Variants in LMNA observed in about 807,000 individuals in gnomAD.
LMNA encodes the protein lamin A/C, also known as lamin.
In LMNA, 20 loss-of-function variants were observed where a neutral mutation model predicts 70.4. That is an observed-to-expected ratio of 0.28 (90% CI 0.20 to 0.41). The LOEUF (loss-of-function observed/expected upper bound fraction) is 0.41, where lower values mean the gene tolerates loss of function less well. Ranked by LOEUF, LMNA falls within the 10% of genes least tolerant of loss-of-function variation. LMNA has a pLI of 1.00. For missense variants in LMNA, 652 were observed against 917.2 expected (o/e 0.71, Z 3.73); for synonymous variants, 339 against 372.8 (o/e 0.91, Z 1.04).
At chr1:156,131,270 C>T (rs1558126717) in intron 2 of LMNA, among the ~76,000 whole-genome samples, 1 of 148,682 alleles carries the variant, frequency 6.7e-6, no homozygotes, top group Non-Finnish European at 1.5e-5. Flanking sequence ...GACTCCGTCT[C>T]AAAAAAATAA....
chr1:156,121,046 CTTTTTTTTTTTTT>C (rs57371677), intron 1 of LMNA, among the ~76,000 whole-genome samples: 1 of 100,412 alleles, frequency 1.0e-5, no homozygotes, highest in Non-Finnish European at 1.9e-5. Context: ...CAAATCCATT[CTTTTTTTTTTTTT>C]TTTTTTTTTT....
intron 2 of LMNA, among the ~76,000 whole-genome samples, chr1:156,131,449 G>T (rs2102868844): frequency 6.6e-6 from 1 of 152,152 alleles, no homozygotes; most frequent in South Asian, 2.1e-4. Flanking sequence ...AATTAGCTGG[G>T]CATGGTGGTG....
chr1:156,139,443 T>A lies in LMNA; in HGVS notation c.*337T>A. The A allele has an allele frequency of 7.5e-7, 1 of 1,338,582 alleles. No homozygotes were observed. The highest frequency in any genetic ancestry group is 9.6e-7 in the Non-Finnish European group (1 of 1,046,304). The allele number at this position is 1,338,582 out of a possible 1,614,324, so 82.9% of individuals were successfully genotyped here. On this transcript the variant is annotated 3_prime_UTR_variant, in exon 12 of 12. Transcript: ENST00000368300. The stretch of plus-strand genomic sequence containing the variant: ...AGAAGCCAAGGGAAAGGGGTGCTTT[T>A]ATAGAGGCTAGCTTCTGCTTTTCTG...
chr1:156,116,541 T>C (rs1477338261), intron 1 of LMNA, among the ~76,000 whole-genome samples: 1 of 152,208 alleles, frequency 6.6e-6, no homozygotes, highest in Non-Finnish European at 1.5e-5. Context: ...TTCTTCTCTC[T>C]CTTTTATCAT....
intron 3 of LMNA, among the ~76,000 whole-genome samples, chr1:156,092,414 C>T (rs990749001): frequency 6.6e-5 from 10 of 151,658 alleles, no homozygotes; most frequent in African/African-American, 2.4e-4. Context: ...CACAGTGGCT[C>T]CTGTCTGTAA....
chr1:156,106,679 C>T (rs1406197750), intron 3 of LMNA: 5 of 151,274 alleles, frequency 3.3e-5, no homozygotes, highest in African/African-American at 1.2e-4. Flanking sequence ...CCCCCGGCAG[C>T]GTTCCCCCCT....
chr1:156,116,895 G>C (rs907288705), intron 1 of LMNA, among the ~76,000 whole-genome samples: 3 of 151,836 alleles, frequency 2.0e-5, no homozygotes, highest in African/African-American at 7.3e-5. Flanking sequence ...GTCAATGGAA[G>C]TTGTGTGTAG....
intron 1 of LMNA, among the ~76,000 whole-genome samples, chr1:156,121,548 C>A (rs1051917726): frequency 2.6e-5 from 4 of 152,074 alleles, no homozygotes; most frequent in Non-Finnish European, 4.4e-5. Context: ...CCATTGCCCC[C>A]ACTTCCAGGT....
Position 156,135,271 on chromosome 1 carries a change from A to G in LMNA, c.895A>G (p.Ile299Val), listed in dbSNP as rs150924946. Reference protein sequence around the residue: ...HEELQQSRIRIDSLSAQLSQL... With the variant: ...HEELQQSRIRVDSLSAQLSQL... The stretch of plus-strand genomic sequence containing the variant: ...GGAGCTGCAGCAGTCGCGCATCCGC[A>G]TCGACAGCCTCTCTGCCCAGCTCAG... Residue 299 changes from isoleucine (I) to valine (V), a missense_variant, in exon 5 of 12, where the codon ATC becomes GTC. Around this residue, in one of 4 missense-constraint regions of LMNA, gnomAD observed 254 missense variants for 421.9 expected, o/e 0.60. Transcript: ENST00000368300. This position sits in a 1 kb window ranked among gnomAD's most constrained non-coding sequence, Gnocchi z 4.8. The G allele has an allele frequency of 1.8e-4, 288 of 1,613,644 alleles. No homozygotes were observed. In the Admixed American group the frequency reaches 2.1e-3, roughly 12 times the overall value.
At position 156,134,643 on chromosome 1, in the gene LMNA, T is replaced by G; in HGVS notation, c.639+115T>G. 2.6e-6 allele frequency: 4 copies of G among 1,542,308 alleles called. No homozygotes were observed. The East Asian group carries it at 9.0e-5, about 35-fold the overall frequency. On this transcript the variant is annotated intron_variant, in intron 3 of 11. Transcript: ENST00000368300. This position sits in a 1 kb window ranked among gnomAD's most constrained non-coding sequence, Gnocchi z 5.3. ...CGCCTTCCTGAGTCCCTTGCCCTAG[T>G]GGACAGGGAGTTGGGGGTGGCCAGC...
intron 1 of LMNA, among the ~76,000 whole-genome samples, chr1:156,129,304 TG>T (rs1457434430): frequency 6.6e-6 from 1 of 151,754 alleles, no homozygotes; most frequent in Non-Finnish European, 1.5e-5. Flanking sequence ...TGGGGGGAGG[TG>T]GGGGTGACTC....
rs550090505 is a variant in LMNA at position 156,135,629 on chromosome 1, T to A, written c.937-272T>A. The A allele has an allele frequency of 1.7e-6, 1 of 591,238 alleles. No homozygotes were observed. The highest frequency in any genetic ancestry group is 2.8e-5 in the East Asian group (1 of 35,148). The allele number at this position is 591,238 out of a possible 1,614,324, so 36.6% of individuals were successfully genotyped here. On this transcript the variant is annotated intron_variant, in intron 5 of 11. Coordinates refer to ENST00000368300, the MANE Select transcript of LMNA (RefSeq NM_170707.4). This position sits in a 1 kb window ranked among gnomAD's most constrained non-coding sequence, Gnocchi z 4.8. ...GTGAGGTGTTAAAAGCATCAGTATT[T>A]TTCTAGTTGGCTGTGCTATTTGTGA...
chr1:156,117,494 C>T (rs1049565427), intron 1 of LMNA, among the ~76,000 whole-genome samples: 2 of 152,114 alleles, frequency 1.3e-5, no homozygotes, highest in Non-Finnish European at 2.9e-5. Flanking sequence ...CTCAGCCTCC[C>T]AAAGTGTTGG....
At chr1:156,114,543 C>T, upstream of LMNA, 1 of 267,770 alleles carries the variant, frequency 3.7e-6, no homozygotes, top group Non-Finnish European at 7.0e-6. Context: ...GTTAGGGGTG[C>T]GCTGGAGAGG....
rs191687847 is a variant in LMNA at position 156,089,441 on chromosome 1, G to A, written c.-318-1030G>A. 2.9e-3 allele frequency among the ~76,000 whole-genome samples: 437 copies of A among 151,656 alleles called. 1 individual carries two copies. The highest frequency in any genetic ancestry group is 0.01 in the African/African-American group (425 of 41,290). ...CTCCTGAGTACCTGGGATTACAGGCGCGCACCCCCACGCCCAGCTAATTTT... is the reference window on the plus strand; with the variant it reads ...CTCCTGAGTACCTGGGATTACAGGCACGCACCCCCACGCCCAGCTAATTTT... On this transcript the variant is annotated intron_variant, in intron 2 of 12. Transcript: ENST00000368301.
At chr1:156,106,287 T>G (rs1338954825) in intron 3 of LMNA, among the ~76,000 whole-genome samples, 5 of 152,240 alleles carry the variant, frequency 3.3e-5, no homozygotes, top group Non-Finnish European at 7.3e-5. Flanking sequence ...CCTCACTTCC[T>G]GGAAATGTGT....
At position 156,134,427 on chromosome 1, in the gene LMNA, A is replaced by G. The variant is rs1271398936; in HGVS notation, c.538A>G (p.Lys180Glu). ...GCTTGAGGCAGCCCTAGGTGAGGCC[A>G]AGAAGCAACTTCAGGATGAGATGCT... ...AKLEAALGEA[K>E]KQLQDEMLRR... Residue 180 changes from lysine to glutamate, a missense_variant, in exon 3 of 12, where the codon AAG becomes GAG. Lys to Glu is a moderately conservative substitution (Grantham distance 56, BLOSUM62 1). Coordinates refer to ENST00000368300, the MANE Select transcript of LMNA (RefSeq NM_170707.4). This position sits in a 1 kb window ranked among gnomAD's most constrained non-coding sequence, Gnocchi z 5.3. 1 of 1,614,176 alleles carries G rather than the reference A, an allele frequency of 6.2e-7. No individual in the cohort carries two copies. The highest frequency in any genetic ancestry group is 8.5e-7 in the Non-Finnish European group (1 of 1,180,034).
intron 3 of LMNA, among the ~76,000 whole-genome samples, chr1:156,092,418 T>A (rs1648744417): frequency 1.3e-5 from 2 of 151,538 alleles, no homozygotes; most frequent in African/African-American, 4.8e-5. Context: ...GTGGCTCCTG[T>A]CTGTAATCCA....
At chr1:156,127,409 G>A (rs1300795523) in intron 1 of LMNA, among the ~76,000 whole-genome samples, 1 of 151,496 alleles carries the variant, frequency 6.6e-6, no homozygotes, top group East Asian at 1.9e-4. Context: ...CTCTGCTCGT[G>A]GTTTTTCTCA....
Sources: gnomAD v4.1 joint callset for allele counts (sites outside exome capture counted in the v4.1 genomes callset) on GRCh38, gnomAD v4.1.1 for gene constraint, gnomAD v4.1.1 regional missense constraint, Gnocchi (gnomAD v3.1) non-coding constraint, MANE v1.5 for transcripts, NCBI Gene and HGNC (gene_info 2026-07-23, HGNC 2026-07-21) for gene names.